The following APPL2 variants were observed in gnomAD, a reference collection of about 807,000 sequenced individuals.
APPL2 encodes the protein DCC-interacting protein 13-beta.
In APPL2, 84 loss-of-function variants were observed where a neutral mutation model predicts 92.7. The ratio of observed to expected loss-of-function variants is 0.91; its 90% CI spans 0.76 to 1.09. The LOEUF (loss-of-function observed/expected upper bound fraction) is 1.09, where lower values mean the gene tolerates loss of function less well. APPL2 is among the 50% of genes least tolerant of loss of function. The probability of loss-of-function intolerance (pLI) is 0.00; values close to 1 mark genes in which losing one functional copy is unlikely to be tolerated. For synonymous variants in APPL2, 291 were observed against 291.0 expected (o/e 1.00, Z 0.00); for missense variants, 736 against 824.5 (o/e 0.89, Z 1.31).
intron 5 of APPL2, among the ~76,000 whole-genome samples, chr12:105,210,982 G>A (rs1450131973): frequency 6.6e-6 from 1 of 152,104 alleles, no homozygotes; most frequent in Admixed American, 6.5e-5. Context: ...GTGCGTCTCT[G>A]TCCTGCTACC....
At chr12:105,174,491 A>G (rs1344866718) in intron 20 of APPL2, 43 bp from the exon 21 acceptor site, 2 of 1,592,548 alleles carry the variant, frequency 1.3e-6, no homozygotes, top group East Asian at 4.5e-5. Context: ...AAAAGGCTTA[A>G]GATGCATTTA....
At chr12:105,212,354 G>A (rs779625103) in intron 4 of APPL2, among the ~76,000 whole-genome samples, 1 of 152,180 alleles carries the variant, frequency 6.6e-6, no homozygotes, top group East Asian at 1.9e-4. Context: ...GTGCATTTTT[G>A]AGTACTTTTT....
Position 105,174,229 on chromosome 12 carries a change from C to A in APPL2, c.*85G>T. 1 of 1,489,340 alleles carries A rather than the reference C, an allele frequency of 6.7e-7. No homozygotes were observed. Among genetic ancestry groups the A allele is most frequent in the South Asian group, 1.3e-5 (1 of 74,844 alleles). The allele number at this position is 1,489,340 out of a possible 1,614,324, so 92.3% of individuals were successfully genotyped here. A position where few individuals can be genotyped will look rare whatever the true frequency, so the allele number is the denominator to read the frequency against. On this transcript the variant is annotated 3_prime_UTR_variant, in exon 21 of 21. Transcript: ENST00000258530. ...GATTGTCAGCCTTCGGAAATCAGGT[C>A]AGTGTGCCTGTATGTCAGAGACGTT...
Position 105,199,364 on chromosome 12 carries a change from C to T in APPL2, c.863+9G>A. The stretch of plus-strand genomic sequence containing the variant: ...TTTCAGAAAAAGAGGCAGACGGTGG[C>T]GTTCTCACTTTCTAAGATTAAGGTA... On this transcript the variant is annotated intron_variant, in intron 10 of 20. Transcript: ENST00000258530. 1.2e-6 allele frequency: 2 copies of T among 1,605,142 alleles called. No individual in the cohort carries two copies. The highest frequency in any genetic ancestry group is 1.3e-5 in the African/African-American group (1 of 74,502).
At chr12:105,176,845 A>G (rs1330250531) in intron 19 of APPL2, 31 bp downstream of exon 19, 3 of 1,609,248 alleles carry the variant, frequency 1.9e-6, no homozygotes, top group African/African-American at 1.3e-5. Flanking sequence ...TTGGACTGGG[A>G]TATTATGGGA....
intron 2 of APPL2, among the ~76,000 whole-genome samples, chr12:105,225,499 T>A (rs929452771): frequency 3.3e-5 from 5 of 152,250 alleles, no homozygotes; most frequent in Non-Finnish European, 5.9e-5. Flanking sequence ...ATGTGTTGAA[T>A]GCAAAATTTG....
At chr12:105,180,569 T>G (rs1448617346) in intron 17 of APPL2, among the ~76,000 whole-genome samples, 1 of 152,236 alleles carries the variant, frequency 6.6e-6, no homozygotes, top group African/African-American at 2.4e-5. Context: ...TATGGCCATT[T>G]TCACGATATT....
At chr12:105,228,260 T>C (rs1890671531) in intron 2 of APPL2, among the ~76,000 whole-genome samples, 1 of 152,212 alleles carries the variant, frequency 6.6e-6, no homozygotes, top group South Asian at 2.1e-4. Flanking sequence ...TTTGAAGTAT[T>C]TGCTGTATCA....
At chr12:105,201,388 A>C (rs1353453539) in intron 9 of APPL2, among the ~76,000 whole-genome samples, 1 of 152,172 alleles carries the variant, frequency 6.6e-6, no homozygotes, top group Non-Finnish European at 1.5e-5. Context: ...CTCAGCACAT[A>C]GAACGGGGGA....
Position 105,217,689 on chromosome 12 carries a change from G to A in APPL2, c.190C>T (p.Gln64Ter). Residue 64 changes from glutamine to a stop codon, truncating the protein, a stop_gained, in exon 3 of 21, where the codon CAA becomes TAA. Transcript: ENST00000258530. LOFTEE classifies it high-confidence loss of function. Reference protein sequence around the residue: ...MCLATQQLSKQLLAYEKQNFA... With the variant: ...MCLATQQLSK ...ACCTGTTTTTCATATGCCAGCAGTT[G>A]CTTAGAAAGCTGTTGTGTGGCCAGG... 1 of 1,613,984 alleles carries A rather than the reference G, an allele frequency of 6.2e-7. No homozygotes were observed. Among genetic ancestry groups the A allele is most frequent in the Non-Finnish European group, 8.5e-7 (1 of 1,180,038 alleles).
rs955847740 is a variant in APPL2, at chr12:105,197,890, G to A, written c.927C>T (p.Leu309=). The change falls in exon 11 of 21, where the codon CTC becomes CTT. Residue 309 remains leucine, a synonymous_variant. Transcript: ENST00000258530. ...RLYFFTQGGN[L]MCQPRGAVAG... ...CCACGGCTCCCCTGGGCTGACACAT[G>A]AGATTCCCGCCTTGGGTGAAGAAAT... 1.9e-6 allele frequency: 3 copies of A among 1,614,070 alleles called. No individual in the cohort carries two copies. In the South Asian group the frequency reaches 3.3e-5, roughly 18 times the overall value.
At chr12:105,234,258 T>C (rs547759474) in intron 1 of APPL2, among the ~76,000 whole-genome samples, 10 of 152,220 alleles carry the variant, frequency 6.6e-5, no homozygotes, top group Non-Finnish European at 1.2e-4. Context: ...ATGTTAACTC[T>C]AAAGCACCTT....
intron 1 of APPL2, among the ~76,000 whole-genome samples, chr12:105,233,946 A>C (rs1327415808): frequency 6.6e-6 from 1 of 152,252 alleles, no homozygotes; most frequent in African/African-American, 2.4e-5. Context: ...GGGATGGATT[A>C]GATTCCTTCC....
chr12:105,190,442 A>G (rs1228646271), intron 14 of APPL2, among the ~76,000 whole-genome samples: 2 of 152,204 alleles, frequency 1.3e-5, no homozygotes, highest in African/African-American at 2.4e-5. Context: ...TGGAGGGCCT[A>G]TGCTATAGCT....
Position 105,208,125 on chromosome 12 carries a change from C to A in APPL2, c.415+33G>T, listed in dbSNP as rs770220231. ...TCCTCCCCGCCACAGTAAGCCCACACACCCACACACCAGGAATGGAGAAGG... is the reference window on the plus strand; with the variant it reads ...TCCTCCCCGCCACAGTAAGCCCACAAACCCACACACCAGGAATGGAGAAGG... On this transcript the variant is annotated intron_variant, in intron 6 of 20. Coordinates refer to ENST00000258530, the MANE Select transcript of APPL2 (RefSeq NM_018171.5). 6.2e-6 allele frequency: 10 copies of A among 1,613,982 alleles called. No homozygotes were observed. The East Asian group carries it at 1.1e-4, about 18-fold the overall frequency.
At chr12:105,204,209 C>G (rs983804196) in intron 8 of APPL2, among the ~76,000 whole-genome samples, 4 of 152,188 alleles carry the variant, frequency 2.6e-5, no homozygotes, top group South Asian at 2.1e-4. Context: ...ATGAACTGCT[C>G]CATTTTCTAT....
intron 2 of APPL2, among the ~76,000 whole-genome samples, chr12:105,220,164 C>T (rs769573955): frequency 2.6e-5 from 4 of 152,192 alleles, no homozygotes; most frequent in Non-Finnish European, 5.9e-5. Flanking sequence ...AAAATCCACA[C>T]TCCTAAATGC....
At chr12:105,206,109 T>G (rs1204171196) in intron 8 of APPL2, among the ~76,000 whole-genome samples, 1 of 152,238 alleles carries the variant, frequency 6.6e-6, no homozygotes, top group African/African-American at 2.4e-5. Context: ...GGCAGTGAGC[T>G]GCACTTTTTT....
chr12:105,217,875 G>A (rs932178624), intron 2 of APPL2, 150 bp from the exon 3 acceptor site: 4 of 648,550 alleles, frequency 6.2e-6, no homozygotes, highest in Admixed American at 6.0e-5. Flanking sequence ...GATTGAGGCA[G>A]GAAGATCACT....
Sources: gnomAD v4.1 joint callset for allele counts (sites outside exome capture counted in the v4.1 genomes callset) on GRCh38, gnomAD v4.1.1 for gene constraint, MANE v1.5 for transcripts, NCBI Gene and HGNC (gene_info 2026-07-23, HGNC 2026-07-21) for gene names.